Variants in MYO10 observed in about 807,000 individuals in gnomAD.
MYO10 encodes myosin X.
A neutral mutation model predicts 257.3 loss-of-function variants in MYO10; 133 were observed. That is an observed-to-expected ratio of 0.52 (90% CI 0.45 to 0.60). The LOEUF is 0.60. MYO10 is among the 20% of genes least tolerant of loss of function. MYO10 has a pLI of 0.00. For missense variants in MYO10, 2,399 were observed against 2,635.7 expected, an observed-to-expected ratio of 0.91 and a Z score of 1.97; for synonymous variants, 1,104 against 1,028.6, an observed-to-expected ratio of 1.07 and a Z score of -1.40.
intron 1 of MYO10, among the ~76,000 whole-genome samples, chr5:16,932,655 T>C (rs1746322208): frequency 6.6e-6 from 1 of 152,210 alleles, no homozygotes; most frequent in South Asian, 2.1e-4. Flanking sequence ...GAATGTGGCA[T>C]GCTCAGTTTC....
intron 2 of MYO10, among the ~76,000 whole-genome samples, chr5:16,830,146 G>A (rs1447069297): frequency 1.3e-5 from 2 of 151,776 alleles, no homozygotes; most frequent in South Asian, 2.1e-4. Flanking sequence ...TGAGGTTGAC[G>A]AATTACTTGA....
rs998912350 is a variant in MYO10 at position 16,685,492 on chromosome 5, A to G, written c.3990+246T>C. Among the ~76,000 whole-genome samples, 38 of 152,162 alleles carry G rather than the reference A, an allele frequency of 2.5e-4. 1 individual carries two copies. Among genetic ancestry groups the G allele is most frequent in the Non-Finnish European group, 2.9e-5 (2 of 68,030 alleles). ...CTCCCAAAGTGCTGGGACTACAGGC[A>G]TGAGCCACAGTGTCCAACTTAATTT... On this transcript the variant is annotated intron_variant, in intron 29 of 40. Transcript: ENST00000513610.
chr5:16,770,845 C>T (rs1451424900), intron 9 of MYO10, among the ~76,000 whole-genome samples: 5 of 152,194 alleles, frequency 3.3e-5, no homozygotes, highest in East Asian at 1.9e-4. Flanking sequence ...CTCGGCTCAC[C>T]GCACCCCGTG....
chr5:16,797,907 T>C (rs1742015247), intron 3 of MYO10, among the ~76,000 whole-genome samples: 1 of 152,228 alleles, frequency 6.6e-6, no homozygotes, highest in Non-Finnish European at 1.5e-5. Context: ...GAAATTTAAT[T>C]GCCATTGTAA....
rs182367239 is a variant in MYO10, at chr5:16,874,717, C to A, written c.120+2892G>T. 7.9e-3 allele frequency among the ~76,000 whole-genome samples: 1,201 copies of A among 152,304 alleles called. 14 individuals carry two copies. Among genetic ancestry groups the A allele is most frequent in the Non-Finnish European group, 0.014 (938 of 68,036 alleles). The stretch of plus-strand genomic sequence containing the variant: ...CAACAGGTCTTGAGGAAGTTCAAAA[C>A]TTCCCCACATTTTCCTGTCTTCTTC... On this transcript the variant is annotated intron_variant, in intron 2 of 40. Transcript: ENST00000513610.
chr5:16,819,258 C>T (rs777542410), intron 2 of MYO10, among the ~76,000 whole-genome samples: 6 of 152,230 alleles, frequency 3.9e-5, no homozygotes, highest in Non-Finnish European at 7.4e-5. Flanking sequence ...CAGCAATGAG[C>T]GCTACAGACA....
intron 21 of MYO10, among the ~76,000 whole-genome samples, chr5:16,705,710 C>T (rs753594812): frequency 2.6e-5 from 4 of 152,132 alleles, no homozygotes; most frequent in Non-Finnish European, 5.9e-5. Context: ...AGGTTCTCTG[C>T]TCTGTGTCCT....
At chr5:16,744,560 G>A (rs552090899) in intron 19 of MYO10, among the ~76,000 whole-genome samples, 7 of 152,232 alleles carry the variant, frequency 4.6e-5, no homozygotes, top group Admixed American at 2.0e-4. Context: ...CTCAGCAGGC[G>A]CGGCGCAGGG....
At chr5:16,830,438 G>A (rs1253944622) in intron 2 of MYO10, among the ~76,000 whole-genome samples, 1 of 151,818 alleles carries the variant, frequency 6.6e-6, no homozygotes, top group Non-Finnish European at 1.5e-5. Flanking sequence ...GTTATGCTAA[G>A]ATGTGTAATT....
chr5:16,914,130 T>A (rs1745747072), intron 1 of MYO10, among the ~76,000 whole-genome samples: 1 of 152,200 alleles, frequency 6.6e-6, no homozygotes, highest in South Asian at 2.1e-4. Flanking sequence ...AGCATGGTAC[T>A]GCAAGCTGGG....
intron 2 of MYO10, among the ~76,000 whole-genome samples, chr5:16,835,491 T>TG (rs70943808): frequency 0.22 from 26,275 of 118,650 alleles, 3,030 homozygotes; most frequent in African/African-American, 0.29. Context: ...CATTTTTGGC[T>TG]GTTTTTTTTT....
rs572875311 is a variant in MYO10, at chr5:16,733,782, C to T, written c.1929+21046G>A. ...GGGAGGTCAGGCAGCACTCAAAGGC[C>T]AGGTTATTCCCATCCCCGGGCCTCT... On this transcript the variant is annotated intron_variant, in intron 19 of 40. Transcript: ENST00000513610. Among the ~76,000 whole-genome samples, 4 of 152,282 alleles carry T rather than the reference C, an allele frequency of 2.6e-5. No homozygotes were observed. In the East Asian group the frequency reaches 7.7e-4, roughly 29 times the overall value.
At position 16,832,801 on chromosome 5, in the gene MYO10, C is replaced by T. The variant is rs554380679; in HGVS notation, c.121-14634G>A. 1.1e-4 allele frequency among the ~76,000 whole-genome samples: 17 copies of T among 152,312 alleles called. No individual in the cohort carries two copies. The East Asian group carries it at 3.1e-3, about 28-fold the overall frequency. Reference sequence around the variant, plus strand: ...TTTCACAAGCATCTCAAAACAAAAACTGACCTCGGCATCTCCTCCTGTTCA... The same window carrying T: ...TTTCACAAGCATCTCAAAACAAAAATTGACCTCGGCATCTCCTCCTGTTCA... On this transcript the variant is annotated intron_variant, in intron 2 of 40. Transcript: ENST00000513610.
chr5:16,911,360 T>C (rs1745651479), intron 1 of MYO10, among the ~76,000 whole-genome samples: 2 of 152,308 alleles, frequency 1.3e-5, no homozygotes, highest in African/African-American at 4.8e-5. Flanking sequence ...CTTCACCATC[T>C]AAAACAAACT....
At chr5:16,794,383 TAAAAAAAAA>T (rs58577651) in intron 4 of MYO10, among the ~76,000 whole-genome samples, 3 of 140,604 alleles carry the variant, frequency 2.1e-5, no homozygotes, top group African/African-American at 7.9e-5. Context: ...AATGTTGCTT[TAAAAAAAAA>T]AAAAAAAAAA....
At chr5:16,910,187 A>T (rs1464018084) in intron 1 of MYO10, among the ~76,000 whole-genome samples, 2 of 152,260 alleles carry the variant, frequency 1.3e-5, no homozygotes, top group African/African-American at 4.8e-5. Context: ...ATGTAGATGC[A>T]CTGGCTGCTA....
intron 28 of MYO10, among the ~76,000 whole-genome samples, chr5:16,687,854 C>T (rs1032777579): frequency 6.6e-6 from 1 of 152,192 alleles, no homozygotes; most frequent in African/African-American, 2.4e-5. Flanking sequence ...AAAAGACATA[C>T]ATTCAAGTTG....
rs80016511 is a variant in MYO10, at chr5:16,717,471, G to A, written c.1930-6226C>T. On this transcript the variant is annotated intron_variant, in intron 19 of 40. Transcript: ENST00000513610. The stretch of plus-strand genomic sequence containing the variant: ...GATCAACTTGTCAGGTACTGACTTG[G>A]TCTAATACAGGCGACTTAAAGATCA... Among the ~76,000 whole-genome samples the A allele has an allele frequency of 7.1e-4, 108 of 152,294 alleles. 1 individual carries two copies. Among genetic ancestry groups the A allele is most frequent in the African/African-American group, 2.4e-3 (101 of 41,556 alleles).
chr5:16,757,073 C>A (rs892381690), intron 18 of MYO10, among the ~76,000 whole-genome samples: 5 of 143,936 alleles, frequency 3.5e-5, no homozygotes, highest in African/African-American at 1.3e-4. Flanking sequence ...GAGCTGAGAT[C>A]GTGCCATTGC....
Sources: gnomAD v4.1 joint callset for allele counts (sites outside exome capture counted in the v4.1 genomes callset) on GRCh38, gnomAD v4.1.1 for gene constraint, MANE v1.5 for transcripts, NCBI Gene and HGNC (gene_info 2026-07-23, HGNC 2026-07-21) for gene names.